Variants in MACROD2 observed in about 807,000 individuals in gnomAD.
MACROD2 encodes the protein mono-ADP ribosylhydrolase 2.
A neutral mutation model predicts 70.4 loss-of-function variants in MACROD2; 36 were observed. That is an observed-to-expected ratio of 0.51 (90% CI 0.39 to 0.68). MACROD2 has a LOEUF of 0.68. Among genes scored for constraint, MACROD2 ranks in the 30% least tolerant of loss-of-function variants. The pLI is 0.00. For missense variants in MACROD2, 496 were observed against 538.4 expected, an observed-to-expected ratio of 0.92 and a Z score of 0.78; for synonymous variants, 172 against 178.8, an observed-to-expected ratio of 0.96 and a Z score of 0.30.
At chr20:14,860,237 A>G (rs1358671388) in intron 5 of MACROD2, among the ~76,000 whole-genome samples, 1 of 152,160 alleles carries the variant, frequency 6.6e-6, no homozygotes, top group African/African-American at 2.4e-5. Context: ...TGAAAAGTAC[A>G]TCCCTTAAAT....
intron 8 of MACROD2, among the ~76,000 whole-genome samples, chr20:15,639,922 A>G (rs1446086244): frequency 2.0e-5 from 3 of 151,816 alleles, no homozygotes; most frequent in Admixed American, 6.6e-5. Context: ...AGAAGGAGAG[A>G]AAGAGAGAGA....
At chr20:14,026,103 CTTCT>C (rs1361304358) in intron 2 of MACROD2, among the ~76,000 whole-genome samples, 4 of 152,094 alleles carry the variant, frequency 2.6e-5, no homozygotes, top group African/African-American at 9.7e-5. Flanking sequence ...ATGTAATGCC[CTTCT>C]TTGTCTTTTT....
chr20:14,791,542 C>T (rs1381475554), intron 5 of MACROD2, among the ~76,000 whole-genome samples: 1 of 151,970 alleles, frequency 6.6e-6, no homozygotes, highest in East Asian at 1.9e-4. Flanking sequence ...TTCTCTGGGC[C>T]TAATTTTCTT....
At chr20:15,017,248 G>T (rs1477795789) in intron 5 of MACROD2, among the ~76,000 whole-genome samples, 1 of 152,056 alleles carries the variant, frequency 6.6e-6, no homozygotes, top group Non-Finnish European at 1.5e-5. Flanking sequence ...CAAAACAAAG[G>T]GGTTACAGGG....
intron 8 of MACROD2, among the ~76,000 whole-genome samples, chr20:15,638,632 T>C (rs2049406424): frequency 2.0e-5 from 3 of 152,184 alleles, no homozygotes; most frequent in Admixed American, 2.0e-4. Context: ...AGTTCCTGGA[T>C]TCCTCTTTTG....
In MACROD2 at chr20:15,534,348, CAT is replaced by C. The variant is rs149411927; in HGVS notation, c.645+34503_645+34504del. 1.7e-3 allele frequency among the ~76,000 whole-genome samples: 261 copies of C among 152,188 alleles called. 2 individuals are homozygous for C. In the East Asian group the frequency reaches 0.024, roughly 14 times the overall value. The stretch of plus-strand genomic sequence containing the variant: ...AATTAATTGCTAGAAGAAAGTAAAA[CAT>C]AATTAAAATTGAATATAAAGCCTAT... On this transcript the variant is annotated intron_variant, in intron 8 of 17. Coordinates refer to ENST00000684519, the MANE Select transcript of MACROD2 (RefSeq NM_001351661.2).
chr20:15,958,726 G>A (rs1051523680), intron 12 of MACROD2, among the ~76,000 whole-genome samples: 7 of 152,190 alleles, frequency 4.6e-5, no homozygotes, highest in Non-Finnish European at 8.8e-5. Context: ...AACCTCCAAC[G>A]TGATGGTATT....
chr20:15,545,913 A>G (rs1036825865), intron 8 of MACROD2, among the ~76,000 whole-genome samples: 19 of 152,182 alleles, frequency 1.2e-4, no homozygotes, highest in African/African-American at 4.1e-4. Flanking sequence ...AATTGACATT[A>G]TCTCCATCTA....
rs189730728 is a variant in MACROD2, at chr20:14,253,169, T to C, written c.271+167441T>C. The stretch of plus-strand genomic sequence containing the variant: ...GGAGATTCTGACAGAAAATGGTATA[T>C]TTTATGAGTAGTGATTTTGTGAAAA... On this transcript the variant is annotated intron_variant, in intron 3 of 17. Transcript: ENST00000684519. 2.8e-3 allele frequency among the ~76,000 whole-genome samples: 423 copies of C among 152,168 alleles called. 3 individuals carry two copies. The highest frequency in any genetic ancestry group is 3.6e-3 in the Admixed American group (55 of 15,268).
At chr20:14,095,136 A>G (rs1237894048) in intron 3 of MACROD2, among the ~76,000 whole-genome samples, 2 of 152,120 alleles carry the variant, frequency 1.3e-5, no homozygotes, top group African/African-American at 4.8e-5. Flanking sequence ...CCTTAGCTTT[A>G]TACACTTCTG....
At chr20:14,441,735 C>A (rs544545404) in intron 3 of MACROD2, among the ~76,000 whole-genome samples, 11 of 152,218 alleles carry the variant, frequency 7.2e-5, no homozygotes, top group African/African-American at 2.6e-4. Context: ...GGCATATTAC[C>A]TTTCTAGTTA....
intron 5 of MACROD2, among the ~76,000 whole-genome samples, chr20:15,035,657 G>T (rs902202869): frequency 3.9e-5 from 6 of 152,136 alleles, no homozygotes; most frequent in Non-Finnish European, 8.8e-5. Context: ...AATGGGCAAA[G>T]ATTTATTACA....
At chr20:15,765,552 G>A (rs6079962) in intron 8 of MACROD2, among the ~76,000 whole-genome samples, 2 of 152,200 alleles carry the variant, frequency 1.3e-5, no homozygotes, top group Admixed American at 6.5e-5. Flanking sequence ...AATCTATTAC[G>A]GTGGGAAAGA....
At chr20:14,403,819 C>T (rs1484511970) in intron 3 of MACROD2, among the ~76,000 whole-genome samples, 3 of 151,974 alleles carry the variant, frequency 2.0e-5, no homozygotes, top group Non-Finnish European at 4.4e-5. Context: ...CTCAAAAATT[C>T]CTGTAGATAA....
intron 3 of MACROD2, among the ~76,000 whole-genome samples, chr20:14,098,412 G>T (rs538731390): frequency 6.6e-6 from 1 of 152,220 alleles, no homozygotes; most frequent in South Asian, 2.1e-4. Context: ...TTTAGTGTAC[G>T]TTAACAATGT....
chr20:16,003,076 ACC>A (rs1491318212), intron 15 of MACROD2, among the ~76,000 whole-genome samples: 3,012 of 31,550 alleles, frequency 0.095, 41 homozygotes, highest in Non-Finnish European at 0.14. Context: ...AAACCCACCC[ACC>A]CACCCACACA....
intron 10 of MACROD2, among the ~76,000 whole-genome samples, chr20:15,896,645 C>A (rs1052206380): frequency 6.6e-6 from 1 of 151,362 alleles, no homozygotes; most frequent in Non-Finnish European, 1.5e-5. Context: ...AACATTATAA[C>A]CTTGAGTGAA....
intron 3 of MACROD2, among the ~76,000 whole-genome samples, chr20:14,363,259 T>G (rs1278955435): frequency 6.6e-6 from 1 of 152,184 alleles, no homozygotes; most frequent in East Asian, 1.9e-4. Context: ...ACAGTTGTAA[T>G]TCAATGAATT....
At chr20:15,551,872 A>G (rs1037678402) in intron 8 of MACROD2, among the ~76,000 whole-genome samples, 2 of 150,406 alleles carry the variant, frequency 1.3e-5, no homozygotes, top group African/African-American at 4.9e-5. Context: ...CTGCCTCAAA[A>G]AAAAAAAAAA....
Sources: allele counts gnomAD v4.1 joint callset (sites outside exome capture counted in the v4.1 genomes callset), GRCh38; gene constraint gnomAD v4.1.1; transcripts MANE v1.5; gene names NCBI Gene and HGNC (gene_info 2026-07-23, HGNC 2026-07-21).